CCDC144A: variants seen among roughly 807,000 people sequenced by gnomAD.
The protein encoded by CCDC144A is coiled-coil domain containing 144A.
A neutral mutation model predicts 143.8 loss-of-function variants in CCDC144A; 41 were observed. The ratio of observed to expected loss-of-function variants is 0.29; its 90% CI spans 0.22 to 0.37. The LOEUF (loss-of-function observed/expected upper bound fraction) is 0.37. CCDC144A is among the 10% of genes least tolerant of loss of function. The pLI is 1.00. For missense variants in CCDC144A, 637 were observed against 1,488.8 expected (o/e 0.43, Z 9.41); for synonymous variants, 242 against 517.9 (o/e 0.47, Z 7.23).
At chr17:16,675,988 T>TC in the CCDC144A span, among the ~76,000 whole-genome samples, 2 of 151,638 alleles carry the variant, frequency 1.3e-5, no homozygotes, top group African/African-American at 4.8e-5. Flanking sequence ...CACCTCGTGA[T>TC]CCCCGCGCCT....
the CCDC144A span, among the ~76,000 whole-genome samples, chr17:16,668,022 C>T: frequency 1.3e-5 from 2 of 148,554 alleles, no homozygotes; most frequent in African/African-American, 4.9e-5. Flanking sequence ...TTAACATGCA[C>T]CATTTTGCGA....
intron 12 of CCDC144A, among the ~76,000 whole-genome samples, chr17:16,753,907 T>C (rs1202823755): frequency 6.6e-6 from 1 of 152,238 alleles, no homozygotes; most frequent in African/African-American, 2.4e-5. Context: ...TTATGAAAAA[T>C]TGGTGTTAGT....
At chr17:16,706,454 A>T (rs1472614684) in intron 3 of CCDC144A, 1 of 141,516 alleles carries the variant, frequency 7.1e-6, no homozygotes, top group Non-Finnish European at 1.5e-5. Context: ...CTCTGGCCTT[A>T]CTGAACTGCT....
At position 16,709,014 on chromosome 17, in the gene CCDC144A, A is replaced by C; in HGVS notation, c.957A>C (p.Pro319=). 2 of 1,611,738 alleles carry C rather than the reference A, an allele frequency of 1.2e-6. No individual in the cohort carries two copies. Among genetic ancestry groups the C allele is most frequent in the Non-Finnish European group, 1.7e-6 (2 of 1,179,636 alleles). Residue 319 remains proline, a synonymous_variant, in exon 5 of 17, where the codon CCA becomes CCC. Coordinates refer to ENST00000399273, the MANE Select transcript of CCDC144A (RefSeq NM_001382000.1). Reference sequence around the variant, plus strand: ...TTCCGGCTTGTCCTGAGGAAGAGCCACTACTTGATAACTCTACAAGAGGAA... The same window carrying C: ...TTCCGGCTTGTCCTGAGGAAGAGCCCCTACTTGATAACTCTACAAGAGGAA... ...YKIPACPEEE[P]LLDNSTRGTD... is the part of the protein sequence containing the mutation.
upstream of CCDC144A, among the ~76,000 whole-genome samples, chr17:16,687,916 T>C (rs940502014): frequency 2.0e-5 from 3 of 151,972 alleles, no homozygotes; most frequent in African/African-American, 7.3e-5. Flanking sequence ...ACACTAACTT[T>C]AACTACATTA....
At chr17:16,741,060 CCT>C (rs1361618624) in intron 12 of CCDC144A, among the ~76,000 whole-genome samples, 1 of 151,100 alleles carries the variant, frequency 6.6e-6, no homozygotes, top group Non-Finnish European at 1.5e-5. Flanking sequence ...AATAAATTAA[CCT>C]CAACATTTTT....
intron 12 of CCDC144A, among the ~76,000 whole-genome samples, chr17:16,740,622 C>A (rs1914214804): frequency 6.6e-6 from 1 of 152,110 alleles, no homozygotes; most frequent in Admixed American, 6.5e-5. Flanking sequence ...GGGGAAATTG[C>A]ATTTAATAGC....
intron 15 of CCDC144A, among the ~76,000 whole-genome samples, chr17:16,767,812 A>G (rs1915669990): frequency 6.6e-6 from 1 of 152,388 alleles, no homozygotes; most frequent in South Asian, 2.1e-4. Flanking sequence ...TTTTCTCTAC[A>G]TTCATGACAG....
Position 16,711,207 on chromosome 17 carries a change from T to C in CCDC144A, c.1579-472T>C, listed in dbSNP as rs1458802460. Among the ~76,000 whole-genome samples, 8 of 145,150 alleles carry C rather than the reference T, an allele frequency of 5.5e-5. No individual in the cohort carries two copies. The Admixed American group carries it at 5.6e-4, about 10-fold the overall frequency. ...TAGCTTAGTGCAGAAAAGGGAAAGC[T>C]TCCTTTCTTTTCCTGAAACCCCACA... On this transcript the variant is annotated intron_variant, in intron 5 of 16. Transcript: ENST00000399273.
intron 12 of CCDC144A, chr17:16,745,684 A>T (rs1289187723): frequency 6.2e-7 from 1 of 1,613,100 alleles, no homozygotes. Flanking sequence ...TCTGCCTTGC[A>T]GATCCTCCTG....
chr17:16,772,273 C>G (rs1182395252), intron 16 of CCDC144A, among the ~76,000 whole-genome samples: 1 of 151,918 alleles, frequency 6.6e-6, no homozygotes, highest in Non-Finnish European at 1.5e-5. Context: ...TTCTGCCATC[C>G]CTATGGAATT....
chr17:16,772,268 C>T (rs1032541558), intron 16 of CCDC144A, among the ~76,000 whole-genome samples: 6 of 151,984 alleles, frequency 3.9e-5, no homozygotes, highest in Non-Finnish European at 8.8e-5. Context: ...TTCACTTCTG[C>T]CATCCCTATG....
intron 12 of CCDC144A, chr17:16,745,885 C>T: frequency 1.9e-6 from 3 of 1,594,824 alleles, no homozygotes; most frequent in Non-Finnish European, 2.6e-6. Context: ...CTGTCTTGGC[C>T]AGGTCCTTTC....
chr17:16,722,152 G>C (rs1203774122), intron 8 of CCDC144A, among the ~76,000 whole-genome samples: 1 of 151,998 alleles, frequency 6.6e-6, no homozygotes, highest in Non-Finnish European at 1.5e-5. Context: ...TTTTAAATCA[G>C]GAATGAATGT....
intron 12 of CCDC144A, chr17:16,746,247 T>C (rs1284727332): frequency 8.2e-6 from 11 of 1,341,682 alleles, no homozygotes; most frequent in African/African-American, 1.5e-5. Flanking sequence ...TGCAATTTTC[T>C]TCTGTTTATC....
chr17:16,687,828 C>T (rs548625366), upstream of CCDC144A, among the ~76,000 whole-genome samples: 25 of 152,214 alleles, frequency 1.6e-4, no homozygotes, highest in South Asian at 1.9e-3. Flanking sequence ...ATTCACGGGG[C>T]ATTTCATTCC....
chr17:16,699,475 A>C (rs1382503337), intron 2 of CCDC144A, among the ~76,000 whole-genome samples: 1 of 109,666 alleles, frequency 9.1e-6, no homozygotes, highest in Non-Finnish European at 1.8e-5. Flanking sequence ...TCCCGGGTTC[A>C]CACCATTCTC....
chr17:16,725,231 T>C (rs1403399427), intron 8 of CCDC144A, among the ~76,000 whole-genome samples: 1 of 151,764 alleles, frequency 6.6e-6, no homozygotes, highest in African/African-American at 2.4e-5. Context: ...ATTGAGACTT[T>C]TAGGCCAGTT....
intron 12 of CCDC144A, chr17:16,746,460 C>T: frequency 2.5e-6 from 4 of 1,613,298 alleles, no homozygotes; most frequent in Non-Finnish European, 3.4e-6. Flanking sequence ...GTCTTCGCCT[C>T]CATCTCCCCC....
Sources: gnomAD v4.1 joint callset for allele counts (sites outside exome capture counted in the v4.1 genomes callset) on GRCh38, gnomAD v4.1.1 for gene constraint, MANE v1.5 for transcripts, NCBI Gene and HGNC (gene_info 2026-07-23, HGNC 2026-07-21) for gene names.